PKIA: variants seen among roughly 807,000 people sequenced by gnomAD.
PKIA encodes the protein cAMP-dependent protein kinase inhibitor alpha.
A neutral mutation model predicts 7.6 loss-of-function variants in PKIA; 4 were observed. The ratio of observed to expected loss-of-function variants is 0.52; its 90% confidence interval spans 0.26 to 1.20. The LOEUF (loss-of-function observed/expected upper bound fraction) is 1.20, where lower values mean the gene tolerates loss of function less well. Among genes scored for constraint, PKIA ranks in the 50% most tolerant of loss-of-function variants. The pLI is 0.13. For missense variants in PKIA, 73 were observed against 86.2 expected (o/e 0.85, Z 0.61); for synonymous variants, 21 against 30.7 (o/e 0.68, Z 1.04).
intron 1 of PKIA, among the ~76,000 whole-genome samples, chr8:78,519,068 A>G (rs1463570673): frequency 2.0e-5 from 3 of 152,140 alleles, no homozygotes; most frequent in African/African-American, 4.8e-5. Context: ...GGAATGAAAA[A>G]TGGAAGGACG....
chr8:78,600,965 A>G (rs1808337739), intron 3 of PKIA, among the ~76,000 whole-genome samples: 1 of 152,086 alleles, frequency 6.6e-6, no homozygotes, highest in South Asian at 2.1e-4. Context: ...TTGCCAAGCC[A>G]TACTGGCTGC....
intron 1 of PKIA, among the ~76,000 whole-genome samples, chr8:78,539,798 T>C (rs867663118): frequency 2.0e-4 from 30 of 152,144 alleles, no homozygotes; most frequent in Middle Eastern, 6.8e-3. Flanking sequence ...TTATATGTAA[T>C]AAACCTAATT....
At chr8:78,578,025 A>G (rs1449610092) in intron 2 of PKIA, among the ~76,000 whole-genome samples, 2 of 151,964 alleles carry the variant, frequency 1.3e-5, no homozygotes, top group African/African-American at 4.8e-5. Flanking sequence ...ATTTTATTTT[A>G]AAATGTAAGA....
At chr8:78,532,524 A>G (rs1234110494) in intron 1 of PKIA, among the ~76,000 whole-genome samples, 4 of 151,592 alleles carry the variant, frequency 2.6e-5, no homozygotes, top group African/African-American at 7.3e-5. Context: ...AAAAAAAAAA[A>G]AGGAAGAAAT....
At chr8:78,535,626 C>T (rs1053686092) in intron 1 of PKIA, 12 of 152,256 alleles carry the variant, frequency 7.9e-5, no homozygotes, top group Non-Finnish European at 1.8e-4. Flanking sequence ...ACTGTCCAGT[C>T]TGCTGTGACT....
intron 2 of PKIA, among the ~76,000 whole-genome samples, chr8:78,589,188 T>C (rs1211468049): frequency 6.6e-6 from 1 of 152,088 alleles, no homozygotes; most frequent in Non-Finnish European, 1.5e-5. Flanking sequence ...TGAAGATGAA[T>C]GATGACCTTG....
intron 2 of PKIA, among the ~76,000 whole-genome samples, chr8:78,573,210 T>C (rs1455200471): frequency 7.2e-5 from 11 of 152,218 alleles, no homozygotes; most frequent in Admixed American, 7.2e-4. Flanking sequence ...AGGTTAGGCC[T>C]GTGGAGCAGC....
chr8:78,569,642 G>GA (rs1017945703), intron 1 of PKIA, among the ~76,000 whole-genome samples: 6 of 151,512 alleles, frequency 4.0e-5, no homozygotes, highest in South Asian at 2.1e-4. Context: ...CAAAATAAAT[G>GA]AAAAAAAATT....
rs561826662 is a variant in PKIA at position 78,580,372 on chromosome 8, T to G, written c.-28+7433T>G. ...AAAAAATATTGTTTCTCTCCATTCT[T>G]TACCACTTTCCTTTCCTCATCCTCT... On this transcript the variant is annotated intron_variant, in intron 2 of 3. Transcript: ENST00000396418. Among the ~76,000 whole-genome samples, 5 of 152,176 alleles carry G rather than the reference T, an allele frequency of 3.3e-5. No individual in the cohort carries two copies. In the South Asian group the frequency reaches 1.0e-3, roughly 32 times the overall value.
chr8:78,565,977 T>G (rs895189141), intron 1 of PKIA, among the ~76,000 whole-genome samples: 3 of 151,958 alleles, frequency 2.0e-5, no homozygotes, highest in Non-Finnish European at 4.4e-5. Flanking sequence ...CAGTGTTCGA[T>G]AAAGATTTAA....
intron 1 of PKIA, among the ~76,000 whole-genome samples, chr8:78,542,138 A>G (rs1457644339): frequency 1.3e-5 from 2 of 152,100 alleles, no homozygotes; most frequent in Non-Finnish European, 2.9e-5. Context: ...ACTTCAGCCT[A>G]GGCTACAGAG....
intron 2 of PKIA, among the ~76,000 whole-genome samples, chr8:78,576,637 T>C (rs1194060733): frequency 1.3e-5 from 2 of 152,008 alleles, no homozygotes; most frequent in Admixed American, 1.3e-4. Context: ...CAAACTAGCC[T>C]GCATTTAAAG....
chr8:78,583,346 TGG>T (rs1257667999), intron 2 of PKIA, among the ~76,000 whole-genome samples: 1 of 152,152 alleles, frequency 6.6e-6, no homozygotes, highest in Non-Finnish European at 1.5e-5. Flanking sequence ...GTAAAAATTA[TGG>T]CACTGAAACC....
chr8:78,527,115 A>G (rs1806259101), intron 1 of PKIA, among the ~76,000 whole-genome samples: 2 of 152,148 alleles, frequency 1.3e-5, no homozygotes, highest in South Asian at 4.1e-4. Flanking sequence ...ATTCCTGGGA[A>G]CAGAATAACT....
At position 78,523,750 on chromosome 8, in the gene PKIA, G is replaced by A. The variant is rs1809462112; in HGVS notation, c.-157+7282G>A. Among the ~76,000 whole-genome samples, 2 of 151,084 alleles carry A rather than the reference G, an allele frequency of 1.3e-5. 1 individual carries two copies. The highest frequency in any genetic ancestry group is 1.3e-4 in the Admixed American group (2 of 15,074). ...AATCTGAAATTAGTGGGCATCCAAT[G>A]GAGTCACTAGAAATAATCTGTCAAA... On this transcript the variant is annotated intron_variant, in intron 1 of 3. Transcript: ENST00000396418.
At position 78,538,898 on chromosome 8, in the gene PKIA, G is replaced by A. The variant is rs78939739; in HGVS notation, c.-157+22430G>A. ...TGACTGGGCATTGTGAGAGAGTGTG[G>A]GTGTCTTGGCAGAAAGGTATTACAT... On this transcript the variant is annotated intron_variant, in intron 1 of 3. Transcript: ENST00000396418. 3.7e-3 allele frequency among the ~76,000 whole-genome samples: 567 copies of A among 152,022 alleles called. 3 individuals carry two copies. Among genetic ancestry groups the A allele is most frequent in the African/African-American group, 0.013 (535 of 41,472 alleles).
chr8:78,541,807 C>CTTTTTTT (rs780479329), intron 1 of PKIA, among the ~76,000 whole-genome samples: 1 of 134,234 alleles, frequency 7.4e-6, no homozygotes, highest in African/African-American at 2.8e-5. Context: ...TTGGATTTCT[C>CTTTTTTT]TTTTTTTTTT....
chr8:78,552,587 T>C (rs1423080321), intron 1 of PKIA, among the ~76,000 whole-genome samples: 2 of 151,984 alleles, frequency 1.3e-5, no homozygotes, highest in Non-Finnish European at 2.9e-5. Context: ...CAAAGTTGCT[T>C]AGCAACAGAA....
intron 2 of PKIA, 110 bp from the exon 3 acceptor site, chr8:78,598,248 G>A (rs1808273686): frequency 1.8e-6 from 1 of 549,016 alleles, no homozygotes; most frequent in East Asian, 3.2e-5. Flanking sequence ...TACTTGTTTT[G>A]TGAACTTGTA....
Sources: allele counts gnomAD v4.1 joint callset (sites outside exome capture counted in the v4.1 genomes callset), GRCh38; gene constraint gnomAD v4.1.1; transcripts MANE v1.5; gene names NCBI Gene and HGNC (gene_info 2026-07-23, HGNC 2026-07-21).